Variants in RASSF3 observed in about 807,000 individuals in gnomAD.
The protein encoded by RASSF3 is ras association domain-containing protein 3.
Under a neutral mutation model 19.9 loss-of-function variants are expected in RASSF3, and 19 were observed. The ratio of observed to expected loss-of-function variants is 0.96; its 90% CI spans 0.67 to 1.40. The LOEUF is 1.40. Among genes scored for constraint, RASSF3 ranks in the 40% most tolerant of loss-of-function variants. The pLI is 0.00. For missense variants in RASSF3, 306 were observed against 289.8 expected (o/e 1.06, Z -0.41); for synonymous variants, 110 against 104.2 (o/e 1.06, Z -0.34).
Position 64,695,155 on chromosome 12 carries a change from C to G in RASSF3, c.*243C>G. 2.4e-6 allele frequency: 1 copy of G among 424,806 alleles called. No homozygotes were observed. The highest frequency in any genetic ancestry group is 4.3e-6 in the Non-Finnish European group (1 of 235,056). 26.3% of individuals were successfully genotyped at this position (424,806 alleles called of 1,614,324 possible). On this transcript the variant is annotated 3_prime_UTR_variant, in exon 5 of 5. Transcript: ENST00000542104. The stretch of plus-strand genomic sequence containing the variant: ...ACCTCTTGGCAAGCTGTGAACCTGT[C>G]GCCTCATCAGGAGCATTCGAGGGTG...
intron 2 of RASSF3, among the ~76,000 whole-genome samples, chr12:64,584,368 A>G (rs1280052027): frequency 6.6e-6 from 1 of 152,122 alleles, no homozygotes; most frequent in Non-Finnish European, 1.5e-5. Context: ...AGCCAGAGTC[A>G]GGCAAAACAA....
At chr12:64,517,014 A>G (rs1224114875) in intron 1 of RASSF3, among the ~76,000 whole-genome samples, 1 of 150,766 alleles carries the variant, frequency 6.6e-6, no homozygotes, top group Non-Finnish European at 1.5e-5. Context: ...AAAAAAAAAA[A>G]AAAAAAAGAA....
At chr12:64,603,998 C>T (rs1269505051) in intron 2 of RASSF3, among the ~76,000 whole-genome samples, 1 of 152,188 alleles carries the variant, frequency 6.6e-6, no homozygotes. Context: ...TAGGCATACG[C>T]CACCACGCCC....
chr12:64,679,550 G>A (rs767055365), intron 1 of RASSF3, among the ~76,000 whole-genome samples: 63 of 152,202 alleles, frequency 4.1e-4, no homozygotes, highest in Middle Eastern at 6.8e-3. Context: ...GGATTGGGCC[G>A]CACTTCTTGA....
rs547955672 is a variant in RASSF3 at position 64,691,616 on chromosome 12, A to G, written c.567+37A>G. 5.8e-5 allele frequency: 77 copies of G among 1,334,054 alleles called. 1 individual carries two copies. The highest frequency in any genetic ancestry group is 5.1e-4 in the South Asian group (43 of 84,604). 82.6% of individuals were successfully genotyped at this position (1,334,054 alleles called of 1,614,324 possible). A position where few individuals can be genotyped will look rare whatever the true frequency, so the allele number is the denominator to read the frequency against. On this transcript the variant is annotated intron_variant, in intron 4 of 4. Transcript: ENST00000542104. ...TTCACTATTGCTTTAAACTATACAG[A>G]ACAGCTGGCCCTATTTTATTGCAGT...
At chr12:64,686,746 G>C (rs1873372228) in intron 2 of RASSF3, among the ~76,000 whole-genome samples, 1 of 152,196 alleles carries the variant, frequency 6.6e-6, no homozygotes, top group Non-Finnish European at 1.5e-5. Context: ...AGGATCACTT[G>C]AACTCAGGAA....
upstream of RASSF3, among the ~76,000 whole-genome samples, chr12:64,606,686 G>A (rs565995314): frequency 7.2e-5 from 11 of 152,124 alleles, no homozygotes; most frequent in Admixed American, 4.6e-4. Flanking sequence ...GAGGCGGTGC[G>A]TGCCTGTAAT....
intron 3 of RASSF3, among the ~76,000 whole-genome samples, chr12:64,691,061 C>A (rs1417668861): frequency 6.6e-6 from 1 of 151,650 alleles, no homozygotes; most frequent in Non-Finnish European, 1.5e-5. Context: ...AGGGTTTTGC[C>A]ATGTTGGCCA....
At chr12:64,664,707 A>G (rs1015576708) in intron 1 of RASSF3, among the ~76,000 whole-genome samples, 4 of 152,190 alleles carry the variant, frequency 2.6e-5, no homozygotes, top group African/African-American at 4.8e-5. Flanking sequence ...ATTCAAATGT[A>G]TAAGACCAAG....
intron 1 of RASSF3, among the ~76,000 whole-genome samples, chr12:64,621,374 CTG>C (rs1870756335): frequency 6.6e-6 from 1 of 152,190 alleles, no homozygotes; most frequent in Admixed American, 6.5e-5. Flanking sequence ...CTGCTTGAGT[CTG>C]TGCATTTTTA....
upstream of RASSF3, among the ~76,000 whole-genome samples, chr12:64,528,800 G>A (rs1462891639): frequency 6.6e-6 from 1 of 152,176 alleles, no homozygotes; most frequent in Admixed American, 6.5e-5. Flanking sequence ...CAGGCCCCCC[G>A]CAGCTGTGAC....
chr12:64,618,048 T>G (rs936692108), intron 1 of RASSF3, among the ~76,000 whole-genome samples: 6 of 152,230 alleles, frequency 3.9e-5, no homozygotes, highest in African/African-American at 1.2e-4. Flanking sequence ...CACCAAAATG[T>G]TAACCAAAAT....
intron 1 of RASSF3, among the ~76,000 whole-genome samples, chr12:64,535,266 C>T (rs952351469): frequency 2.6e-5 from 4 of 151,548 alleles, no homozygotes; most frequent in Non-Finnish European, 5.9e-5. Flanking sequence ...TTCAGGGCTG[C>T]AATCATGCCA....
chr12:64,593,526 G>GT (rs58778044), intron 2 of RASSF3, among the ~76,000 whole-genome samples: 17,935 of 152,038 alleles, frequency 0.12, 1,322 homozygotes, highest in African/African-American at 0.19. Flanking sequence ...CTGAAGTTGT[G>GT]TTTTTTTAGC....
At chr12:64,529,844 T>C (rs1186255085), upstream of RASSF3, among the ~76,000 whole-genome samples, 2 of 152,276 alleles carry the variant, frequency 1.3e-5, no homozygotes, top group Admixed American at 6.5e-5. Flanking sequence ...TCACCCAAAG[T>C]ATTACTATGA....
chr12:64,649,412 T>C (rs1871860531), intron 1 of RASSF3, among the ~76,000 whole-genome samples: 1 of 152,086 alleles, frequency 6.6e-6, no homozygotes, highest in African/African-American at 2.4e-5. Context: ...CAGGATGGTC[T>C]CAATCTCCTG....
At chr12:64,533,029 G>A (rs1162708228), upstream of RASSF3, among the ~76,000 whole-genome samples, 1 of 152,198 alleles carries the variant, frequency 6.6e-6, no homozygotes, top group Non-Finnish European at 1.5e-5. Flanking sequence ...CGCTCCCTCA[G>A]CCTCTTCTAA....
At chr12:64,651,748 G>C (rs768984446) in intron 1 of RASSF3, among the ~76,000 whole-genome samples, 2 of 151,974 alleles carry the variant, frequency 1.3e-5, no homozygotes, top group African/African-American at 4.8e-5. Flanking sequence ...CTGCAACCTC[G>C]ACTTCCCAGG....
At chr12:64,519,358 G>C (rs943933267) in intron 1 of RASSF3, among the ~76,000 whole-genome samples, 2 of 152,144 alleles carry the variant, frequency 1.3e-5, no homozygotes, top group African/African-American at 4.8e-5. Flanking sequence ...AGTGAGCCAA[G>C]ATCGTGCCAC....
Sources: allele counts gnomAD v4.1 joint callset (sites outside exome capture counted in the v4.1 genomes callset), GRCh38; gene constraint gnomAD v4.1.1; transcripts MANE v1.5; gene names NCBI Gene and HGNC (gene_info 2026-07-23, HGNC 2026-07-21).